DPF3: variants seen among roughly 807,000 people sequenced by gnomAD.
DPF3 encodes the protein double PHD fingers 3.
A neutral mutation model predicts 56.8 loss-of-function variants in DPF3; 18 were observed. That is an observed-to-expected ratio of 0.32 (90% CI 0.22 to 0.47). DPF3 has a LOEUF of 0.47. Ranked by LOEUF, DPF3 falls within the 20% of genes least tolerant of loss-of-function variation. The pLI is 1.00. For missense variants in DPF3, 403 were observed against 488.8 expected (o/e 0.82, Z 1.65); for synonymous variants, 188 against 180.2 (o/e 1.04, Z -0.35).
chr14:72,693,939 A>T (rs1266049660), intron 6 of DPF3, among the ~76,000 whole-genome samples: 1 of 152,230 alleles, frequency 6.6e-6, no homozygotes, highest in African/African-American at 2.4e-5. Flanking sequence ...ATCCTTGGTG[A>T]GTGTAGTCAC....
At chr14:72,640,046 TAAAAAAAAAAAAAAAAAAAAA>T (rs370070354) in intron 8 of DPF3, among the ~76,000 whole-genome samples, 121 of 45,268 alleles carry the variant, frequency 2.7e-3, no homozygotes, top group South Asian at 0.014. Context: ...GTTTTCTAAG[TAAAAAAAAAAAAAAAAAAAAA>T]AAAAAAAAAA....
At chr14:72,797,612 G>T (rs553797539) in intron 1 of DPF3, among the ~76,000 whole-genome samples, 1 of 152,150 alleles carries the variant, frequency 6.6e-6, no homozygotes, top group Non-Finnish European at 1.5e-5. Context: ...AGATACTTCA[G>T]CTTAAAGAAT....
intron 1 of DPF3, chr14:72,836,425 C>T: frequency 1.0e-6 from 1 of 985,598 alleles, no homozygotes; most frequent in African/African-American, 1.7e-5. Flanking sequence ...TGGATAAGCG[C>T]ACCCTCCTCC....
intron 7 of DPF3, 145 bp from the exon 8 acceptor site, chr14:72,674,513 C>G (rs1599346311): frequency 8.3e-7 from 1 of 1,211,048 alleles, no homozygotes; most frequent in Non-Finnish European, 1.1e-6. Context: ...GCTACGCTTT[C>G]TTTTGGATCC....
chr14:72,838,915 T>A (rs1407789315), intron 1 of DPF3, among the ~76,000 whole-genome samples: 440 of 12,584 alleles, frequency 0.035, 54 homozygotes, highest in East Asian at 0.25. Context: ...ATTCTTTTTT[T>A]TTTTTTTTTT....
chr14:72,885,524 C>T (rs984410654), intron 1 of DPF3, among the ~76,000 whole-genome samples: 1 of 152,040 alleles, frequency 6.6e-6, no homozygotes, highest in Non-Finnish European at 1.5e-5. Flanking sequence ...CTGCCTTAGC[C>T]TCCCGAGTAG....
intron 1 of DPF3, among the ~76,000 whole-genome samples, chr14:72,779,782 C>A (rs879844034): frequency 1.1e-4 from 17 of 152,266 alleles, no homozygotes; most frequent in Non-Finnish European, 2.1e-4. Context: ...TGTGGCATGA[C>A]CCTCTGCCTG....
intron 1 of DPF3, chr14:72,836,018 G>C (rs561665601): frequency 1.0e-6 from 1 of 983,984 alleles, no homozygotes. Flanking sequence ...AGGGCCAGCC[G>C]TCACCACACG....
chr14:72,794,063 C>T (rs1892545365), intron 1 of DPF3, among the ~76,000 whole-genome samples: 3 of 152,184 alleles, frequency 2.0e-5, no homozygotes, highest in Non-Finnish European at 4.4e-5. Flanking sequence ...CAGTGAAAGG[C>T]TGGGGCACTG....
intron 8 of DPF3, 136 bp from the exon 9 acceptor site, chr14:72,629,872 C>T (rs138068151): frequency 1.4e-6 from 1 of 689,676 alleles, no homozygotes; most frequent in East Asian, 2.7e-5. Flanking sequence ...AAATGGGGAC[C>T]CAAACAGGGC....
At chr14:72,795,931 G>C (rs1028330267) in intron 1 of DPF3, among the ~76,000 whole-genome samples, 1 of 152,178 alleles carries the variant, frequency 6.6e-6, no homozygotes, top group Non-Finnish European at 1.5e-5. Context: ...ATTTTCAATT[G>C]TGTTGTGATA....
In DPF3 at chr14:72,819,601, C is replaced by CT. The variant is rs935773974; in HGVS notation, c.33-47709dup. 1.3e-3 allele frequency among the ~76,000 whole-genome samples: 193 copies of CT among 151,356 alleles called. 1 individual carries two copies. The highest frequency in any genetic ancestry group is 3.8e-3 in the South Asian group (18 of 4,784). On this transcript the variant is annotated intron_variant, in intron 1 of 10. Transcript: ENST00000556509. ...AATGTACACAACAATGTGGATAAGACTTTTTTTTTAAAAGGCCGAGTGAAA... is the reference window on the plus strand; with the variant it reads ...AATGTACACAACAATGTGGATAAGACTTTTTTTTTTAAAAGGCCGAGTGAAA...
At chr14:72,771,629 C>T in intron 2 of DPF3, 104 bp downstream of exon 2, 5 of 1,448,418 alleles carry the variant, frequency 3.5e-6, no homozygotes, top group Non-Finnish European at 4.6e-6. Context: ...CTTGCCCCAC[C>T]CCGATCCTAC....
At chr14:72,843,725 A>G (rs1179937806) in intron 1 of DPF3, among the ~76,000 whole-genome samples, 4 of 152,166 alleles carry the variant, frequency 2.6e-5, no homozygotes, top group Admixed American at 1.3e-4. Context: ...TATTTTTAGT[A>G]GAGATGGGGT....
At chr14:72,664,817 C>T (rs1886379066) in intron 8 of DPF3, among the ~76,000 whole-genome samples, 1 of 152,194 alleles carries the variant, frequency 6.6e-6, no homozygotes, top group Non-Finnish European at 1.5e-5. Context: ...TGGTGTCAGG[C>T]ACTGTCTGGA....
intron 1 of DPF3, among the ~76,000 whole-genome samples, chr14:72,879,554 C>T (rs756919161): frequency 4.6e-5 from 7 of 152,072 alleles, no homozygotes; most frequent in African/African-American, 7.2e-5. Flanking sequence ...AGCAAGGGCT[C>T]CACCAGGGAG....
chr14:72,655,034 TC>T (rs1886023862), intron 8 of DPF3, among the ~76,000 whole-genome samples: 1 of 152,176 alleles, frequency 6.6e-6, no homozygotes, highest in African/African-American at 2.4e-5. Flanking sequence ...AGCAGAAGTT[TC>T]AGCACAAATG....
At chr14:72,749,869 G>GA (rs11381729) in intron 3 of DPF3, among the ~76,000 whole-genome samples, 97,302 of 149,452 alleles carry the variant, frequency 0.65, 31,635 homozygotes, top group Middle Eastern at 0.76. Context: ...GAAAAGAAAA[G>GA]AAAAAAAAGT....
intron 8 of DPF3, among the ~76,000 whole-genome samples, chr14:72,635,125 T>G (rs1401757172): frequency 6.6e-6 from 1 of 152,170 alleles, no homozygotes; most frequent in Non-Finnish European, 1.5e-5. Flanking sequence ...ACTGGGTATG[T>G]CACCCATGGC....
Sources: allele counts gnomAD v4.1 joint callset (sites outside exome capture counted in the v4.1 genomes callset), GRCh38; gene constraint gnomAD v4.1.1; transcripts MANE v1.5; gene names NCBI Gene and HGNC (gene_info 2026-07-23, HGNC 2026-07-21).